DENND1B: variants seen among roughly 807,000 people sequenced by gnomAD.
DENND1B encodes DENN domain containing 1B.
A neutral mutation model predicts 90.1 loss-of-function variants in DENND1B; 59 were observed. The ratio of observed to expected loss-of-function variants is 0.65; its 90% CI spans 0.53 to 0.81. The LOEUF (loss-of-function observed/expected upper bound fraction) is 0.81. Among genes scored for constraint, DENND1B ranks in the 40% least tolerant of loss-of-function variants. DENND1B has a pLI of 0.00. For missense variants in DENND1B, 862 were observed against 912.6 expected, an observed-to-expected ratio of 0.94 and a Z score of 0.71; for synonymous variants, 337 against 324.6, an observed-to-expected ratio of 1.04 and a Z score of -0.41.
intron 4 of DENND1B, among the ~76,000 whole-genome samples, chr1:197,672,818 C>T (rs1354250948): frequency 6.6e-6 from 1 of 151,912 alleles, no homozygotes; most frequent in African/African-American, 2.4e-5. Flanking sequence ...ATCATACTAC[C>T]ATAATATGTG....
At chr1:197,718,493 G>A (rs983447460) in intron 2 of DENND1B, among the ~76,000 whole-genome samples, 2 of 151,656 alleles carry the variant, frequency 1.3e-5, no homozygotes, top group Admixed American at 6.6e-5. Flanking sequence ...TCTTTCACCT[G>A]TGGACACATA....
chr1:197,510,520 T>C lies in DENND1B; in HGVS notation c.2268A>G (p.Thr756=), dbSNP rs1228417845. 5.0e-6 allele frequency: 8 copies of C among 1,611,996 alleles called. No homozygotes were observed. In the Admixed American group the frequency reaches 6.7e-5, roughly 13 times the overall value. The part of the protein sequence containing the change: ...LHEVVSLCHM[T]SDFQQSLNIS... ...TGTTCAAGCTTTGTTGGAAGTCAGA[T>C]GTCATATGACATAATGACACTACTT... is the stretch of plus-strand genomic sequence containing the variant. Residue 756 remains threonine (T), a synonymous_variant, in exon 23 of 23, where the codon ACA becomes ACG. Coordinates refer to ENST00000620048, the MANE Select transcript of DENND1B (RefSeq NM_001195215.2).
intron 2 of DENND1B, among the ~76,000 whole-genome samples, chr1:197,753,884 C>A (rs1653904117): frequency 6.6e-6 from 1 of 151,896 alleles, no homozygotes; most frequent in Non-Finnish European, 1.5e-5. Context: ...TCTGTAGTCC[C>A]AGCTACTCAG....
At chr1:197,780,607 G>A (rs1225066091), upstream of DENND1B, among the ~76,000 whole-genome samples, 2 of 151,966 alleles carry the variant, frequency 1.3e-5, no homozygotes, top group Admixed American at 6.6e-5. Context: ...TACAGAGAGA[G>A]GTGGCTCTTG....
At chr1:197,620,145 C>T (rs1678022091) in intron 10 of DENND1B, among the ~76,000 whole-genome samples, 1 of 150,936 alleles carries the variant, frequency 6.6e-6, no homozygotes, top group Non-Finnish European at 1.5e-5. Flanking sequence ...GGAAGCATCC[C>T]AAAGATAATC....
chr1:197,627,920 T>G (rs1483436885), intron 10 of DENND1B, among the ~76,000 whole-genome samples: 1 of 152,148 alleles, frequency 6.6e-6, no homozygotes, highest in East Asian at 1.9e-4. Flanking sequence ...TAACTCCCAT[T>G]CACAATTGCT....
intron 10 of DENND1B, among the ~76,000 whole-genome samples, chr1:197,627,522 C>T (rs1183933098): frequency 2.0e-5 from 3 of 152,030 alleles, no homozygotes; most frequent in African/African-American, 7.3e-5. Context: ...ATTGATGGGA[C>T]ATATCTCAAA....
chr1:197,582,142 G>T (rs116023099), intron 15 of DENND1B, among the ~76,000 whole-genome samples: 5 of 152,048 alleles, frequency 3.3e-5, no homozygotes, highest in Non-Finnish European at 7.4e-5. Context: ...TTTCCTTAAT[G>T]TAAAACTTCA....
At chr1:197,511,306 A>C (rs1399382293) in intron 22 of DENND1B, among the ~76,000 whole-genome samples, 1 of 151,842 alleles carries the variant, frequency 6.6e-6, no homozygotes, top group African/African-American at 2.4e-5. Flanking sequence ...AATTTGCATA[A>C]AATAATGTTA....
rs769963285 is a variant in DENND1B at position 197,762,630 on chromosome 1, T to C, written c.82+10238A>G. The stretch of plus-strand genomic sequence containing the variant: ...ATTTTATTAACTTTGGTCCTCATAT[T>C]GTATATTGGATTTCTAGACTTGTTC... On this transcript the variant is annotated intron_variant, in intron 2 of 22. Transcript: ENST00000620048. Among the ~76,000 whole-genome samples the C allele has an allele frequency of 3.0e-4, 45 of 152,306 alleles. No homozygotes were observed. The Middle Eastern group carries it at 0.014, about 46-fold the overall frequency.
chr1:197,669,183 C>T (rs1655239418), intron 5 of DENND1B, among the ~76,000 whole-genome samples: 1 of 152,082 alleles, frequency 6.6e-6, no homozygotes, highest in African/African-American at 2.4e-5. Context: ...TGTCACCATA[C>T]AAGCATTTTC....
intron 20 of DENND1B, among the ~76,000 whole-genome samples, chr1:197,524,399 GGGCTA>G: frequency 6.6e-6 from 1 of 152,166 alleles, no homozygotes; most frequent in South Asian, 2.1e-4. Flanking sequence ...ATAGATCTGA[GGGCTA>G]AGAGGATTAG....
At chr1:197,755,715 T>C (rs1333062690) in intron 2 of DENND1B, among the ~76,000 whole-genome samples, 1 of 152,196 alleles carries the variant, frequency 6.6e-6, no homozygotes, top group Non-Finnish European at 1.5e-5. Context: ...TCCACATGGC[T>C]GGGGAGGCCT....
intron 16 of DENND1B, among the ~76,000 whole-genome samples, chr1:197,547,988 A>G (rs1326575852): frequency 6.6e-6 from 1 of 152,206 alleles, no homozygotes; most frequent in Non-Finnish European, 1.5e-5. Context: ...GTATTCTGGA[A>G]AGTGTTTTAA....
At chr1:197,724,461 G>C (rs540994029) in intron 2 of DENND1B, among the ~76,000 whole-genome samples, 114 of 152,112 alleles carry the variant, frequency 7.5e-4, no homozygotes, top group African/African-American at 2.5e-3. Context: ...TATCTACAAA[G>C]CCTAGGAATG....
chr1:197,673,478 G>A (rs1420183646), intron 4 of DENND1B, among the ~76,000 whole-genome samples: 1 of 151,872 alleles, frequency 6.6e-6, no homozygotes, highest in Non-Finnish European at 1.5e-5. Flanking sequence ...ACCCTCTTAA[G>A]TAAACTGAAA....
intron 3 of DENND1B, among the ~76,000 whole-genome samples, chr1:197,696,737 C>T (rs1247743075): frequency 6.6e-6 from 1 of 151,316 alleles, no homozygotes; most frequent in Non-Finnish European, 1.5e-5. Flanking sequence ...TATTCAACTT[C>T]CTCTGACTTG....
intron 15 of DENND1B, among the ~76,000 whole-genome samples, chr1:197,554,773 T>G (rs1292476817): frequency 8.2e-6 from 1 of 121,590 alleles, no homozygotes; most frequent in Non-Finnish European, 1.6e-5. Flanking sequence ...ACCCAGGAGG[T>G]AGAGGTTGCA....
chr1:197,645,801 T>A, intron 8 of DENND1B, 58 bp from the exon 9 acceptor site: 1 of 1,192,004 alleles, frequency 8.4e-7, no homozygotes, highest in Non-Finnish European at 1.2e-6. Context: ...TAACATATAA[T>A]TTGTAATGAA....
Sources: gnomAD v4.1 joint callset for allele counts (sites outside exome capture counted in the v4.1 genomes callset) on GRCh38, gnomAD v4.1.1 for gene constraint, MANE v1.5 for transcripts, NCBI Gene and HGNC (gene_info 2026-07-23, HGNC 2026-07-21) for gene names.